Variants in ZNF41 observed in about 807,000 individuals in gnomAD.
ZNF41 encodes the protein zinc finger protein 41.
In ZNF41, 6 loss-of-function variants were observed where a neutral mutation model predicts 9.3. That is an observed-to-expected ratio of 0.65 (90% CI 0.35 to 1.28). The LOEUF is 1.28. Among genes scored for constraint, ZNF41 ranks in the 50% most tolerant of loss-of-function variants. The pLI is 0.03. For missense variants in ZNF41, 523 were observed against 585.8 expected (o/e 0.89, Z 1.11); for synonymous variants, 192 against 207.1 (o/e 0.93, Z 0.63).
intron 2 of ZNF41, among the ~76,000 whole-genome samples, chrX:47,459,740 T>A (rs1602893679): frequency 2.1e-4 from 7 of 32,770 alleles, no homozygotes; most frequent in East Asian, 9.9e-4. Flanking sequence ...CAAGACCCTA[T>A]CTAAAAAAAA....
intron 1 of ZNF41, among the ~76,000 whole-genome samples, chrX:47,480,618 G>T (rs1216449538): frequency 5.5e-5 from 6 of 108,916 alleles, no homozygotes; most frequent in African/African-American, 1.3e-4. Flanking sequence ...TCAAAATATA[G>T]AGATAGAGGA....
intron 2 of ZNF41, among the ~76,000 whole-genome samples, chrX:47,462,934 C>T (rs1296672949): frequency 1.0e-5 from 1 of 99,081 alleles, no homozygotes; most frequent in East Asian, 3.1e-4. Flanking sequence ...ATATCACACA[C>T]ATATATATAT....
chrX:47,467,923 T>G, intron 1 of ZNF41, among the ~76,000 whole-genome samples, 163 bp from the exon 2 acceptor site: 1 of 112,381 alleles, frequency 8.9e-6, no homozygotes, highest in Non-Finnish European at 1.9e-5. Context: ...TTCTTCATCT[T>G]TAACAGGATG....
intron 2 of ZNF41, among the ~76,000 whole-genome samples, chrX:47,460,484 C>T (rs1031416761): frequency 2.7e-5 from 3 of 111,497 alleles, no homozygotes; most frequent in Admixed American, 9.6e-5. Context: ...GGGAAAGTCA[C>T]AGAGTAGAAG....
chrX:47,459,904 T>C (rs994939143), intron 2 of ZNF41, among the ~76,000 whole-genome samples: 3 of 106,791 alleles, frequency 2.8e-5, no homozygotes, highest in Admixed American at 1.0e-4. Context: ...GATCACGCCA[T>C]TGCACTCCAG....
chrX:47,455,842 G>A, intron 4 of ZNF41, 79 bp downstream of exon 4: 1 of 946,325 alleles, frequency 1.1e-6, no homozygotes, highest in South Asian at 2.0e-5. Context: ...TCTTCAGAGT[G>A]TTTCAAAGGC....
In ZNF41 at chrX:47,448,898, C is replaced by T. The variant is rs780786840; in HGVS notation, c.872G>A (p.Arg291Lys). 6.6e-6 allele frequency: 8 copies of T among 1,211,521 alleles called. No individual in the cohort carries two copies. Among genetic ancestry groups the T allele is most frequent in the Non-Finnish European group, 7.8e-6 (7 of 895,527 alleles). ...TQKSHLFEHQ[R>K]IHAGEKSREC... is the part of the protein sequence containing the mutation. ...ACGGGACTTTTCTCCAGCATGAATT[C>T]TCTGATGCTCAAACAGATGTGACTT... is the stretch of plus-strand genomic sequence containing the variant. Residue 291 changes from arginine (R) to lysine (K), a missense_variant, in exon 5 of 5, where the codon AGA becomes AAA. Transcript: ENST00000684689.
At chrX:47,471,481 C>T (rs921420340) in intron 1 of ZNF41, among the ~76,000 whole-genome samples, 5 of 110,087 alleles carry the variant, frequency 4.5e-5, no homozygotes. Flanking sequence ...AAAGACTATC[C>T]TTTCTCCACT....
rs746176639 is a variant in ZNF41 at position 47,447,842 on chromosome X, C to T, written c.1928G>A (p.Cys643Tyr). The T allele has an allele frequency of 1.7e-6, 2 of 1,210,972 alleles. No individual in the cohort carries two copies. The highest frequency in any genetic ancestry group is 3.5e-5 in the South Asian group (2 of 56,961). Residue 643 changes from cysteine to tyrosine, a missense_variant, in exon 5 of 5, where the codon TGC (cysteine) becomes TAC (tyrosine). Cys to Tyr is a radical substitution (Grantham distance 194). Coordinates refer to ENST00000684689, the MANE Select transcript of ZNF41 (RefSeq NM_001324144.2). The part of the protein sequence containing the change: ...KPYECSDCGK[C>Y]FTKKSQLRVH... ...ACGGAGTTGTGACTTCTTAGTGAAG[C>T]ATTTCCCACAGTCGCTGCATTCATA...
intron 2 of ZNF41, among the ~76,000 whole-genome samples, chrX:47,465,596 C>T (rs779123522): frequency 1.8e-5 from 2 of 110,965 alleles, no homozygotes; most frequent in South Asian, 7.6e-4. Context: ...TGACTCAAGC[C>T]TGTAATTCCA....
At chrX:47,461,343 C>A in intron 2 of ZNF41, among the ~76,000 whole-genome samples, 1 of 109,839 alleles carries the variant, frequency 9.1e-6, no homozygotes, top group East Asian at 2.9e-4. Flanking sequence ...GGTGATCCAC[C>A]CGGCTCGGCC....
chrX:47,470,685 C>T (rs1453828242), intron 1 of ZNF41, among the ~76,000 whole-genome samples: 1 of 107,122 alleles, frequency 9.3e-6, no homozygotes, highest in Non-Finnish European at 1.9e-5. Context: ...CGAGATCGTG[C>T]CACTGCACTC....
At position 47,448,995 on chromosome X, in the gene ZNF41, T is replaced by C. The variant is rs2056250237; in HGVS notation, c.775A>G (p.Thr259Ala). ...EKHLSHKQAP[T>A]HHQKIHPEEK... Reference sequence around the variant, plus strand: ...TCAGGATGAATTTTCTGATGGTGGGTGGGAGCTTGTTTGTGGCTGAGATGT... The same window carrying C: ...TCAGGATGAATTTTCTGATGGTGGGCGGGAGCTTGTTTGTGGCTGAGATGT... The change falls in exon 5 of 5, where the codon ACC becomes GCC. Residue 259 changes from threonine to alanine, a missense_variant. Transcript: ENST00000684689. 8.3e-7 allele frequency: 1 copy of C among 1,211,529 alleles called. No homozygotes were observed. Among genetic ancestry groups the C allele is most frequent in the Non-Finnish European group, 1.1e-6 (1 of 895,437 alleles).
At chrX:47,457,940 T>C (rs1470111983) in intron 2 of ZNF41, among the ~76,000 whole-genome samples, 1 of 112,371 alleles carries the variant, frequency 8.9e-6, no homozygotes, top group African/African-American at 3.2e-5. Context: ...TTCTCAGTTA[T>C]CGGTTTTGTA....
At chrX:47,469,227 C>T (rs1286973058) in intron 1 of ZNF41, among the ~76,000 whole-genome samples, 1 of 91,717 alleles carries the variant, frequency 1.1e-5, no homozygotes, top group African/African-American at 4.0e-5. Context: ...AGGAGAATGG[C>T]GTGAACCCGG....
rs201465358 is a variant in ZNF41, at chrX:47,447,910, C to A, written c.1860G>T (p.Ser620=). Residue 620 remains serine (S), a synonymous_variant, in exon 5 of 5, where the codon TCG becomes TCT. Transcript: ENST00000684689. The part of the protein sequence containing the change: ...PECGKAFIQK[S]HFIAHHRIHT... ...GGATTCTATGATGCGCAATGAAGTG[C>A]GATTTCTGGATAAAGGCCTTCCCGC... 1.7e-6 allele frequency: 2 copies of A among 1,209,379 alleles called. No individual in the cohort carries two copies. The highest frequency in any genetic ancestry group is 1.8e-5 in the South Asian group (1 of 56,781).
rs104894955 is a variant in ZNF41 at position 47,449,438 on chromosome X, G to A, written c.332C>T (p.Pro111Leu). 1,820 of 1,207,428 alleles carry A rather than the reference G, an allele frequency of 1.5e-3. 1 individual carries two copies. Among genetic ancestry groups the A allele is most frequent in the Non-Finnish European group, 2.0e-3 (1,759 of 893,996 alleles). Residue 111 changes from proline to leucine, a missense_variant, in exon 5 of 5, where the codon CCT becomes CTT. Transcript: ENST00000684689. ...AIGKMQQQGI[P>L]GGIFFHCERF... ...CTCACAGTGGAAGAAAATTCCTCCA[G>A]GAATTCCCTGTTGCTGCATTTTCCC...
chrX:47,456,210 G>GCA, intron 3 of ZNF41, 62 bp downstream of exon 3: 1 of 1,189,647 alleles, frequency 8.4e-7, no homozygotes, highest in East Asian at 3.0e-5. Flanking sequence ...GTGTCGGGCA[G>GCA]CACTCAGCAG....
intron 1 of ZNF41, among the ~76,000 whole-genome samples, chrX:47,476,173 C>T (rs2057327935): frequency 9.1e-6 from 1 of 110,004 alleles, no homozygotes; most frequent in African/African-American, 3.3e-5. Flanking sequence ...GCTGAAGTGG[C>T]GAAACCCTGT....
Sources: gnomAD v4.1 joint callset for allele counts (sites outside exome capture counted in the v4.1 genomes callset) on GRCh38, gnomAD v4.1.1 for gene constraint, MANE v1.5 for transcripts, NCBI Gene and HGNC (gene_info 2026-07-23, HGNC 2026-07-21) for gene names.